PI4KA: variants seen among roughly 807,000 people sequenced by gnomAD.
The protein encoded by PI4KA is PI4-kinase alpha.
In PI4KA, 122 loss-of-function variants were observed where a neutral mutation model predicts 271.4. That is an observed-to-expected ratio of 0.45 (90% CI 0.39 to 0.52). PI4KA has a LOEUF of 0.52. Ranked by LOEUF, PI4KA falls within the 20% of genes least tolerant of loss-of-function variation. PI4KA has a pLI of 0.00. For synonymous variants in PI4KA, 1,041 were observed against 1,078.8 expected (o/e 0.96, Z 0.69); for missense variants, 1,969 against 2,769.1 (o/e 0.71, Z 6.48).
At chr22:20,761,797 T>C (rs1931998208) in intron 22 of PI4KA, among the ~76,000 whole-genome samples, 1 of 152,176 alleles carries the variant, frequency 6.6e-6, no homozygotes, top group East Asian at 1.9e-4. Context: ...GACATACTAT[T>C]AACAGAAAAA....
chr22:20,797,161 G>A (rs565427868), intron 17 of PI4KA, among the ~76,000 whole-genome samples: 2 of 152,220 alleles, frequency 1.3e-5, no homozygotes, highest in South Asian at 2.1e-4. Flanking sequence ...CTGCAGTTAA[G>A]TAATACCTGG....
intron 7 of PI4KA, among the ~76,000 whole-genome samples, chr22:20,814,179 G>GA (rs361610): frequency 0.37 from 56,174 of 150,570 alleles, 10,726 homozygotes; most frequent in East Asian, 0.51. Context: ...ACCAAAATTA[G>GA]AAAAAAAAAT....
intron 7 of PI4KA, among the ~76,000 whole-genome samples, chr22:20,814,722 C>G (rs971067126): frequency 1.3e-5 from 2 of 150,400 alleles, no homozygotes; most frequent in African/African-American, 4.9e-5. Context: ...GCACTCCAGT[C>G]TGGGTAACAG....
At chr22:20,774,830 T>C (rs1933132782) in intron 19 of PI4KA, among the ~76,000 whole-genome samples, 2 of 150,434 alleles carry the variant, frequency 1.3e-5, no homozygotes, top group African/African-American at 4.9e-5. Flanking sequence ...TACTCTCAAA[T>C]GGTCTAGAAG....
At chr22:20,832,487 T>C (rs542816394) in intron 3 of PI4KA, among the ~76,000 whole-genome samples, 1 of 152,026 alleles carries the variant, frequency 6.6e-6, no homozygotes, top group African/African-American at 2.4e-5. Context: ...GGAGTCTCAC[T>C]CTGTTACCCA....
At chr22:20,762,262 G>A (rs1237178839) in intron 22 of PI4KA, among the ~76,000 whole-genome samples, 1 of 152,196 alleles carries the variant, frequency 6.6e-6, no homozygotes, top group Non-Finnish European at 1.5e-5. Flanking sequence ...TTAAGCCTCA[G>A]GAGGGCAGGC....
chr22:20,786,926 A>C (rs779418698), intron 19 of PI4KA: 1 of 1,614,154 alleles, frequency 6.2e-7, no homozygotes, highest in Non-Finnish European at 8.5e-7. Context: ...CCAAGCCACC[A>C]CTGTGACCAC....
At chr22:20,824,779 C>CAA (rs1491319952) in intron 3 of PI4KA, among the ~76,000 whole-genome samples, 11 of 124,402 alleles carry the variant, frequency 8.8e-5, no homozygotes, top group South Asian at 5.0e-4. Context: ...CACACACACA[C>CAA]AAAACACTCG....
chr22:20,795,084 C>G (rs1368352089), intron 18 of PI4KA, among the ~76,000 whole-genome samples: 2 of 152,124 alleles, frequency 1.3e-5, no homozygotes, highest in East Asian at 3.8e-4. Flanking sequence ...AATGACAAAA[C>G]AGGGTGGAAG....
chr22:20,747,798 G>A lies in PI4KA; in HGVS notation c.3244-96C>T, dbSNP rs549823501. On this transcript the variant is annotated intron_variant, in intron 28 of 54. Coordinates refer to ENST00000255882, the MANE Select transcript of PI4KA (RefSeq NM_058004.4). Reference sequence around the variant, plus strand: ...CACCCAGGCTGGAGTGTGGTGGCACGATCATGGCTCATTGCAGCCTCGACC... The same window carrying A: ...CACCCAGGCTGGAGTGTGGTGGCACAATCATGGCTCATTGCAGCCTCGACC... 67 of 1,210,196 alleles carry A rather than the reference G, an allele frequency of 5.5e-5. No individual in the cohort carries two copies. In the African/African-American group the frequency reaches 7.3e-4, roughly 13 times the overall value. The allele number at this position is 1,210,196 out of a possible 1,614,324, so 75.0% of individuals were successfully genotyped here.
At chr22:20,805,777 A>G (rs1328368947) in intron 10 of PI4KA, among the ~76,000 whole-genome samples, 2 of 150,352 alleles carry the variant, frequency 1.3e-5, no homozygotes, top group East Asian at 3.9e-4. Flanking sequence ...GCTTGCAGTG[A>G]GCCAAGATCG....
Position 20,796,114 on chromosome 22 carries a change from G to A in PI4KA, c.2277+32C>T, listed in dbSNP as rs370869067. The A allele has an allele frequency of 1.9e-5, 30 of 1,594,970 alleles. No homozygotes were observed. In the African/African-American group the frequency reaches 3.8e-4, roughly 20 times the overall value. ...CCTTGGCCAGCAGGGATAGGACACT[G>A]ATGGGGAAGGCATAGCCATCCTCCT... On this transcript the variant is annotated intron_variant, in intron 18 of 54. Transcript: ENST00000255882.
chr22:20,816,748 C>T (rs959962859), intron 7 of PI4KA, among the ~76,000 whole-genome samples: 4 of 152,226 alleles, frequency 2.6e-5, no homozygotes, highest in Non-Finnish European at 4.4e-5. Flanking sequence ...TCGCTTGTCT[C>T]GTCACCACTA....
chr22:20,858,505 G>T, intron 1 of PI4KA, 65 bp downstream of exon 1: 7 of 1,164,354 alleles, frequency 6.0e-6, no homozygotes, highest in Non-Finnish European at 7.7e-6. Context: ...CCCTCGTCCC[G>T]CCTCCACGCT....
intron 26 of PI4KA, 122 bp downstream of exon 26, chr22:20,751,552 T>A: frequency 1.0e-6 from 1 of 988,840 alleles, no homozygotes; most frequent in Non-Finnish European, 1.6e-6. Flanking sequence ...TCGACACCTG[T>A]AGCATTAATT....
Position 20,717,736 on chromosome 22 carries a change from C to T in PI4KA, c.5289G>A (p.Ser1763=), listed in dbSNP as rs750195707. The T allele has an allele frequency of 1.6e-5, 26 of 1,581,066 alleles. No individual in the cohort carries two copies. The highest frequency in any genetic ancestry group is 1.2e-4 in the South Asian group (10 of 86,694). ...KGDERKKACL[S]ALSEVKVQPG... is the part of the protein sequence containing the mutation. ...GCTGCACCTTCACTTCAGACAGGGC[C>T]GACAGACAAGCCTTCTTTCTCTCGT... Residue 1763 remains serine, a synonymous_variant, in exon 45 of 55, where the codon TCG becomes TCA. Transcript: ENST00000255882.
At chr22:20,774,948 C>T (rs552062936) in intron 19 of PI4KA, among the ~76,000 whole-genome samples, 9 of 151,870 alleles carry the variant, frequency 5.9e-5, no homozygotes, top group Admixed American at 3.3e-4. Context: ...AATCTCGGTA[C>T]GGGTATACAG....
chr22:20,813,133 A>C (rs1447043174), intron 8 of PI4KA, among the ~76,000 whole-genome samples: 1 of 152,178 alleles, frequency 6.6e-6, no homozygotes, highest in Admixed American at 6.5e-5. Context: ...ATGGGGATGC[A>C]TGGGTGCCTC....
At chr22:20,856,247 G>T (rs188017972) in intron 1 of PI4KA, among the ~76,000 whole-genome samples, 36 of 150,472 alleles carry the variant, frequency 2.4e-4, no homozygotes, top group African/African-American at 7.8e-4. Context: ...GAGAGGCAGA[G>T]GTTGCAGTGA....
Sources: gnomAD v4.1 joint callset for allele counts (sites outside exome capture counted in the v4.1 genomes callset) on GRCh38, gnomAD v4.1.1 for gene constraint, MANE v1.5 for transcripts, NCBI Gene and HGNC (gene_info 2026-07-23, HGNC 2026-07-21) for gene names.